Variants in FAAH2 observed in about 807,000 individuals in gnomAD.
FAAH2 encodes fatty-acid amide hydrolase 2.
In FAAH2, 60 loss-of-function variants were observed where a neutral mutation model predicts 36.9. That is an observed-to-expected ratio of 1.63 (90% CI 1.32 to 2.02). The LOEUF is 2.02. FAAH2 is among the 30% of genes most tolerant of loss of function. The pLI is 0.00. For missense variants in FAAH2, 689 were observed against 397.5 expected, an observed-to-expected ratio of 1.73 and a Z score of -6.23; for synonymous variants, 214 against 143.8, an observed-to-expected ratio of 1.49 and a Z score of -3.49.
chrX:57,328,993 C>T (rs1005515128), intron 3 of FAAH2, among the ~76,000 whole-genome samples: 13 of 111,637 alleles, frequency 1.2e-4, no homozygotes, highest in Admixed American at 3.8e-4. Flanking sequence ...GGTCATAATA[C>T]TTCAATGGGT....
the FAAH2 span, among the ~76,000 whole-genome samples, chrX:57,160,677 G>A: frequency 4.5e-5 from 5 of 111,669 alleles, no homozygotes; most frequent in Non-Finnish European, 9.4e-5. Context: ...CTGTGGGATC[G>A]GTAGTGATAT....
the FAAH2 span, among the ~76,000 whole-genome samples, chrX:57,226,494 T>A: frequency 8.9e-6 from 1 of 112,202 alleles, no homozygotes; most frequent in Admixed American, 9.4e-5. Flanking sequence ...CCTTCTAGGT[T>A]GTAGGGTTTC....
At chrX:57,459,755 C>T (rs771359710) in intron 10 of FAAH2, among the ~76,000 whole-genome samples, 2 of 112,034 alleles carry the variant, frequency 1.8e-5, no homozygotes, top group Non-Finnish European at 3.8e-5. Flanking sequence ...GGAAGAGGGG[C>T]CTGTCTGCTA....
At chrX:57,199,247 C>T in the FAAH2 span, among the ~76,000 whole-genome samples, 1 of 110,287 alleles carries the variant, frequency 9.1e-6, no homozygotes, top group Non-Finnish European at 1.9e-5. Context: ...CTATAAACTG[C>T]TTTTGCTGTA....
chrX:57,156,588 C>T, the FAAH2 span, among the ~76,000 whole-genome samples: 2 of 112,167 alleles, frequency 1.8e-5, no homozygotes, highest in African/African-American at 6.5e-5. Flanking sequence ...GTGACTGTAG[C>T]GATTTCAGCA....
At chrX:57,484,847 A>G (rs2057445464) in intron 10 of FAAH2, among the ~76,000 whole-genome samples, 2 of 110,804 alleles carry the variant, frequency 1.8e-5, no homozygotes, top group South Asian at 7.7e-4. Context: ...CAATTGGATG[A>G]CATTTACGAG....
chrX:57,277,414 G>A, the FAAH2 span, among the ~76,000 whole-genome samples: 22 of 111,561 alleles, frequency 2.0e-4, no homozygotes, highest in African/African-American at 6.8e-4. Flanking sequence ...GGTATTGATG[G>A]AATGTATCTC....
the FAAH2 span, among the ~76,000 whole-genome samples, chrX:57,243,995 G>A: frequency 9.2e-6 from 1 of 108,517 alleles, no homozygotes. Flanking sequence ...AAGCTAAGAA[G>A]CTTGAAAAAA....
intron 5 of FAAH2, among the ~76,000 whole-genome samples, chrX:57,362,842 C>T (rs1394694983): frequency 9.0e-6 from 1 of 111,644 alleles, no homozygotes; most frequent in Admixed American, 9.5e-5. Flanking sequence ...ACTTCATTCC[C>T]CATTGCTTGT....
the FAAH2 span, among the ~76,000 whole-genome samples, chrX:57,237,535 G>T: frequency 1.8e-5 from 2 of 110,432 alleles, no homozygotes; most frequent in Non-Finnish European, 3.8e-5. Context: ...TTGGTGAAGA[G>T]AAATTTCATG....
At chrX:57,216,565 CGTATATGTATATATAT>C in the FAAH2 span, among the ~76,000 whole-genome samples, 1 of 20,533 alleles carries the variant, frequency 4.9e-5, no homozygotes, top group Non-Finnish European at 9.1e-5. Flanking sequence ...TATATATATA[CGTATATGTATATATAT>C]GTATATGTAT....
intron 7 of FAAH2, among the ~76,000 whole-genome samples, chrX:57,385,470 G>A (rs998588595): frequency 2.7e-5 from 3 of 111,279 alleles, no homozygotes; most frequent in Non-Finnish European, 3.8e-5. Context: ...GGCAGGTTCA[G>A]TGTCTGGTGA....
chrX:57,404,523 G>A (rs1181324221), intron 7 of FAAH2, among the ~76,000 whole-genome samples: 1 of 111,729 alleles, frequency 9.0e-6, no homozygotes, highest in Non-Finnish European at 1.9e-5. Context: ...AAGGGTGGTA[G>A]GGAATGGGTC....
At chrX:57,162,915 C>A in the FAAH2 span, among the ~76,000 whole-genome samples, 3 of 112,875 alleles carry the variant, frequency 2.7e-5, no homozygotes, top group Non-Finnish European at 5.6e-5. Context: ...GAACTGCGTT[C>A]CTTTGGAGGA....
At chrX:57,263,022 A>G in the FAAH2 span, among the ~76,000 whole-genome samples, 1 of 111,621 alleles carries the variant, frequency 9.0e-6, no homozygotes, top group Non-Finnish European at 1.9e-5. Flanking sequence ...TAAAAGTGTG[A>G]GAGCTTTTCC....
At chrX:57,131,268 G>C in the FAAH2 span, among the ~76,000 whole-genome samples, 2 of 107,012 alleles carry the variant, frequency 1.9e-5, no homozygotes, top group Non-Finnish European at 3.9e-5. Flanking sequence ...TGTATTTTTA[G>C]TAGAGACGGG....
At chrX:57,256,277 C>A in the FAAH2 span, among the ~76,000 whole-genome samples, 1 of 111,589 alleles carries the variant, frequency 9.0e-6, no homozygotes, top group East Asian at 2.8e-4. Context: ...AGAGAGGACA[C>A]AAACAAATGG....
rs753939008 is a variant in FAAH2, at chrX:57,331,996, AAGAT to A, written c.622+197_622+200del. ...AGCCTTGGTCAACTCTGATATTTTG[AAGAT>A]AGATAGAGGAGAAGTAGCCAGCAAA... On this transcript the variant is annotated intron_variant, in intron 4 of 10. Coordinates refer to ENST00000374900, the MANE Select transcript of FAAH2 (RefSeq NM_174912.4). Among the ~76,000 whole-genome samples, 3 of 111,902 alleles carry A rather than the reference AAGAT, an allele frequency of 2.7e-5. No homozygotes were observed. In the South Asian group the frequency reaches 1.1e-3, roughly 42 times the overall value.
intron 3 of FAAH2, among the ~76,000 whole-genome samples, chrX:57,320,601 G>T (rs1602261595): frequency 1.8e-5 from 2 of 112,496 alleles, no homozygotes; most frequent in Middle Eastern, 9.2e-3. Flanking sequence ...CATTGTTGAA[G>T]ACAATATGGT....
Sources: gnomAD v4.1 joint callset for allele counts (sites outside exome capture counted in the v4.1 genomes callset) on GRCh38, gnomAD v4.1.1 for gene constraint, MANE v1.5 for transcripts, NCBI Gene and HGNC (gene_info 2026-07-23, HGNC 2026-07-21) for gene names.